SORBS2: variants seen among roughly 807,000 people sequenced by gnomAD.
SORBS2 encodes the protein sorbin and SH3 domain-containing protein 2.
Under a neutral mutation model 97.7 loss-of-function variants are expected in SORBS2, and 46 were observed. The ratio of observed to expected loss-of-function variants is 0.47; its 90% confidence interval spans 0.37 to 0.60. The LOEUF (loss-of-function observed/expected upper bound fraction) is 0.60, where lower values mean the gene tolerates loss of function less well. SORBS2 is among the 20% of genes least tolerant of loss of function. The pLI is 0.00. For missense variants in SORBS2, 1,316 were observed against 1,282.3 expected (o/e 1.03, Z -0.40); for synonymous variants, 476 against 473.4 (o/e 1.01, Z -0.07).
chr4:185,903,653 CA>C (rs758017077), intron 1 of SORBS2, among the ~76,000 whole-genome samples: 5 of 152,170 alleles, frequency 3.3e-5, no homozygotes, highest in Non-Finnish European at 4.4e-5. Context: ...GTATTCTCTT[CA>C]GGCTATGTCT....
rs546990536 is a variant in SORBS2, at chr4:185,796,876, C to T, written c.-337-21510G>A. Among the ~76,000 whole-genome samples, 41 of 81,298 alleles carry T rather than the reference C, an allele frequency of 5.0e-4. 3 individuals are homozygous for T. The highest frequency in any genetic ancestry group is 7.0e-3 in the Middle Eastern group (1 of 142). The allele number at this position is 81,298 out of a possible 152,430, so 53.3% of individuals were successfully genotyped here. A position where few individuals can be genotyped will look rare whatever the true frequency, so the allele number is the denominator to read the frequency against. On this transcript the variant is annotated intron_variant, in intron 1 of 20. Coordinates refer to the SORBS2 transcript ENST00000284776. The stretch of plus-strand genomic sequence containing the variant: ...GCCTGGGCTCTGTGGCCACGCTGTT[C>T]CCTGGTCACGGTGAGGCTGGGCATG...
chr4:185,606,601 G>A lies in SORBS2; in HGVS notation c.2796+5179C>T. On this transcript the variant is annotated intron_variant, in intron 12 of 14. Coordinates refer to ENST00000418609, the Ensembl canonical transcript of SORBS2. This position sits in a 1 kb window ranked among gnomAD's most constrained non-coding sequence, Gnocchi z 4.3. ...TTAAAATACCTCATTACTGGGTTTT[G>A]CTGCATTGCTGTCCTCCTTGGGGGT... 2 of 985,330 alleles carry A rather than the reference G, an allele frequency of 2.0e-6. No individual in the cohort carries two copies. Among genetic ancestry groups the A allele is most frequent in the Middle Eastern group, 5.2e-4 (1 of 1,914 alleles). The allele number at this position is 985,330 out of a possible 1,614,324, so 61.0% of individuals were successfully genotyped here.
At chr4:185,699,105 T>C (rs1385428541) in intron 2 of SORBS2, among the ~76,000 whole-genome samples, 1 of 152,086 alleles carries the variant, frequency 6.6e-6, no homozygotes, top group Non-Finnish European at 1.5e-5. Context: ...TGACAGAATA[T>C]ACTGTCAGAA....
chr4:185,774,951 T>C (rs759686309), intron 2 of SORBS2: 7 of 151,960 alleles, frequency 4.6e-5, no homozygotes, highest in Non-Finnish European at 1.0e-4. Context: ...CATCCTCTCA[T>C]TGCTCTGGCA....
In SORBS2 at chr4:185,634,925, A is replaced by G. The variant is rs143520820; in HGVS notation, c.397-4327T>C. ...GTATTTAGGAAAATGAAAGAACAAA[A>G]ATAAATTTTAGAAATATATGGGACA... is the stretch of plus-strand genomic sequence containing the variant. On this transcript the variant is annotated intron_variant, in intron 4 of 14. Transcript: ENST00000418609. Among the ~76,000 whole-genome samples the G allele has an allele frequency of 5.1e-3, 777 of 152,300 alleles. 7 individuals carry two copies. The highest frequency in any genetic ancestry group is 0.018 in the African/African-American group (743 of 41,534).
chr4:185,616,273 G>T (rs1397867629), intron 9 of SORBS2, among the ~76,000 whole-genome samples: 13 of 152,008 alleles, frequency 8.6e-5, no homozygotes, highest in African/African-American at 2.9e-4. Flanking sequence ...TTGATTAAAA[G>T]AATTAATCGA....
intron 2 of SORBS2, among the ~76,000 whole-genome samples, chr4:185,733,550 G>C (rs1382158510): frequency 1.3e-5 from 2 of 152,348 alleles, no homozygotes; most frequent in East Asian, 1.9e-4. Context: ...CTGAGACAAG[G>C]TGTGTGCTTG....
intron 1 of SORBS2, among the ~76,000 whole-genome samples, chr4:185,936,885 T>C (rs1224257334): frequency 6.6e-6 from 1 of 152,214 alleles, no homozygotes. Flanking sequence ...GCACGGGCTG[T>C]CAGTTTCACT....
chr4:185,625,483 A>G (rs2096795360), intron 6 of SORBS2, among the ~76,000 whole-genome samples: 1 of 152,246 alleles, frequency 6.6e-6, no homozygotes, highest in Non-Finnish European at 1.5e-5. Flanking sequence ...AAATTCTTTA[A>G]AAGTAGATAA....
intron 1 of SORBS2, among the ~76,000 whole-genome samples, chr4:185,939,031 T>C (rs779958028): frequency 1.3e-5 from 2 of 152,220 alleles, no homozygotes; most frequent in Admixed American, 6.5e-5. Context: ...ACTCCTGTTC[T>C]CTCTCCTAAA....
At position 185,850,733 on chromosome 4, in the gene SORBS2, T is replaced by A. The variant is rs180814719; in HGVS notation, c.-337-75367A>T. Among the ~76,000 whole-genome samples, 182 of 152,312 alleles carry A rather than the reference T, an allele frequency of 1.2e-3. 1 individual carries two copies. Among genetic ancestry groups the A allele is most frequent in the Non-Finnish European group, 2.4e-3 (161 of 68,020 alleles). On this transcript the variant is annotated intron_variant, in intron 1 of 20. Transcript: ENST00000284776. ...GTTAATTTTAATGCATCAACTTGAC[T>A]GGGCTATGGGATGCCCAGATAGCTG...
chr4:185,708,371 CGTTT>C (rs1050362719), intron 2 of SORBS2, among the ~76,000 whole-genome samples: 41 of 152,210 alleles, frequency 2.7e-4, no homozygotes, highest in Non-Finnish European at 4.9e-4. Flanking sequence ...GCACAACCAG[CGTTT>C]GTTTAACTTT....
rs34929054 is a variant in SORBS2, at chr4:185,614,159, GTTTTTTTTT to G, written c.2595+663_2595+671del. On this transcript the variant is annotated intron_variant, in intron 11 of 14. Transcript: ENST00000418609. ...AAGAGGTTTTTGATTGTTTTTTTGT[GTTTTTTTTT>G]TTTTTTTTTTTTTTGAGATGGAATC... Among the ~76,000 whole-genome samples the G allele has an allele frequency of 8.8e-3, 803 of 91,666 alleles. 3 individuals carry two copies. Among genetic ancestry groups the G allele is most frequent in the African/African-American group, 0.03 (688 of 22,774 alleles). The allele number at this position is 91,666 out of a possible 152,430, so 60.1% of individuals were successfully genotyped here.
intron 4 of SORBS2, chr4:185,677,585 A>G: frequency 6.5e-7 from 1 of 1,539,102 alleles, no homozygotes; most frequent in South Asian, 1.2e-5. Context: ...CCTTTGTGTG[A>G]CTGGTTATCA....
intron 2 of SORBS2, among the ~76,000 whole-genome samples, chr4:185,652,347 G>A (rs1422379372): frequency 1.3e-5 from 2 of 152,162 alleles, no homozygotes; most frequent in Non-Finnish European, 2.9e-5. Flanking sequence ...GACAGGGGTG[G>A]ACAGAGGAAC....
At chr4:185,665,390 T>C (rs1582201037) in intron 4 of SORBS2, among the ~76,000 whole-genome samples, 2 of 152,216 alleles carry the variant, frequency 1.3e-5, no homozygotes, top group South Asian at 4.1e-4. Context: ...TGGGTTAAAA[T>C]TTTTTGAAAA....
chr4:185,802,902 G>T (rs1372385877), intron 1 of SORBS2, among the ~76,000 whole-genome samples: 1 of 152,222 alleles, frequency 6.6e-6, no homozygotes, highest in Non-Finnish European at 1.5e-5. Context: ...TTGTTGACCA[G>T]ATAAAATACT....
At chr4:185,675,005 C>A (rs1289435293) in intron 4 of SORBS2, 1 of 152,198 alleles carries the variant, frequency 6.6e-6, no homozygotes, top group East Asian at 1.9e-4. Context: ...GGTTTCAAAT[C>A]CAACTCTGTT....
chr4:185,775,817 G>A (rs2098997311), intron 1 of SORBS2: 1 of 152,196 alleles, frequency 6.6e-6, no homozygotes, highest in Non-Finnish European at 1.5e-5. Flanking sequence ...AGCAGTATCT[G>A]TTGTCAGTCT....
Sources: allele counts gnomAD v4.1 joint callset (sites outside exome capture counted in the v4.1 genomes callset), GRCh38; gene constraint gnomAD v4.1.1; non-coding constraint Gnocchi (gnomAD v3.1); transcripts MANE v1.5; gene names NCBI Gene and HGNC (gene_info 2026-07-23, HGNC 2026-07-21).